PTPN12: variants seen among roughly 807,000 people sequenced by gnomAD.
PTPN12 encodes protein tyrosine phosphatase non-receptor type 12, also known as tyrosine-protein phosphatase non-receptor type 12.
In PTPN12, 29 loss-of-function variants were observed where a neutral mutation model predicts 97.6. The observed-to-expected ratio is 0.30, with a 90% CI of 0.22 to 0.41. The LOEUF (loss-of-function observed/expected upper bound fraction) is 0.41. Among genes scored for constraint, PTPN12 ranks in the 10% least tolerant of loss-of-function variants. PTPN12 has a pLI of 1.00. For synonymous variants in PTPN12, 327 were observed against 300.4 expected, an observed-to-expected ratio of 1.09 and a Z score of -0.91; for missense variants, 819 against 926.0, an observed-to-expected ratio of 0.88 and a Z score of 1.50.
At chr7:77,613,028 C>T (rs973085713) in intron 11 of PTPN12, among the ~76,000 whole-genome samples, 8 of 151,924 alleles carry the variant, frequency 5.3e-5, no homozygotes, top group Non-Finnish European at 1.0e-4. Context: ...GCCTCAGCCT[C>T]CCAAAGTGCT....
In PTPN12 at chr7:77,627,234, A is replaced by G; in HGVS notation, c.1555A>G (p.Thr519Ala). Residue 519 changes from threonine to alanine, a missense_variant, in exon 13 of 18, where the codon ACA becomes GCA. Coordinates refer to ENST00000248594, the MANE Select transcript of PTPN12 (RefSeq NM_002835.4). ...ACCAGAAGAATCCCAGAATTCAGAC[A>G]CACCTCCAAGGCCAGACCGCTTGCC... ...TPPEESQNSD[T>A]PPRPDRLPLD... is the part of the protein sequence containing the mutation. 1 of 1,614,124 alleles carries G rather than the reference A, an allele frequency of 6.2e-7. No homozygotes were observed.
intron 1 of PTPN12, among the ~76,000 whole-genome samples, chr7:77,543,898 G>A (rs1336615538): frequency 1.3e-5 from 2 of 152,206 alleles, no homozygotes; most frequent in East Asian, 1.9e-4. Context: ...ACCACATTTT[G>A]TTTATCCATT....
intron 1 of PTPN12, among the ~76,000 whole-genome samples, chr7:77,560,606 G>A (rs1346417850): frequency 6.6e-6 from 1 of 152,066 alleles, no homozygotes; most frequent in African/African-American, 2.4e-5. Flanking sequence ...CTGTCTGTAT[G>A]GATTTGACAA....
chr7:77,574,341 A>G (rs1025029083), intron 2 of PTPN12, among the ~76,000 whole-genome samples: 1 of 152,118 alleles, frequency 6.6e-6, no homozygotes, highest in African/African-American at 2.4e-5. Context: ...TGATAAATGG[A>G]TTATTTACCA....
chr7:77,618,663 T>C (rs1788833859), intron 12 of PTPN12, 98 bp downstream of exon 12: 1 of 792,356 alleles, frequency 1.3e-6, no homozygotes, highest in Non-Finnish European at 2.0e-6. Flanking sequence ...ATTACTTTTA[T>C]AACTTTTATT....
At chr7:77,541,492 A>G (rs560894424) in intron 1 of PTPN12, among the ~76,000 whole-genome samples, 2 of 152,278 alleles carry the variant, frequency 1.3e-5, no homozygotes, top group East Asian at 1.9e-4. Context: ...TGTGATTAAC[A>G]TTTTTGCTGA....
chr7:77,569,315 A>G (rs1808379057), intron 1 of PTPN12, among the ~76,000 whole-genome samples: 1 of 152,146 alleles, frequency 6.6e-6, no homozygotes, highest in Non-Finnish European at 1.5e-5. Flanking sequence ...TGCTTTTTAC[A>G]TTTATACTTA....
At chr7:77,546,748 G>A (rs1252164033) in intron 1 of PTPN12, among the ~76,000 whole-genome samples, 1 of 152,096 alleles carries the variant, frequency 6.6e-6, no homozygotes, top group African/African-American at 2.4e-5. Context: ...GTTCAGCATG[G>A]CTGGGGAGGC....
At chr7:77,615,470 C>T (rs769114426) in intron 11 of PTPN12, among the ~76,000 whole-genome samples, 5 of 152,178 alleles carry the variant, frequency 3.3e-5, no homozygotes, top group East Asian at 1.9e-4. Flanking sequence ...GGCTAGGCGC[C>T]GTGGCTCATT....
At chr7:77,562,958 C>CAAAAAA (rs10650218) in intron 1 of PTPN12, among the ~76,000 whole-genome samples, 1 of 133,200 alleles carries the variant, frequency 7.5e-6, no homozygotes, top group Non-Finnish European at 1.6e-5. Context: ...CTAGGCTATG[C>CAAAAAA]AAAAAAAAAA....
intron 1 of PTPN12, among the ~76,000 whole-genome samples, chr7:77,539,570 A>G (rs1254803990): frequency 6.6e-6 from 1 of 152,000 alleles, no homozygotes; most frequent in African/African-American, 2.4e-5. Context: ...TACTTTGAAT[A>G]TTTAAGATGT....
intron 1 of PTPN12, among the ~76,000 whole-genome samples, chr7:77,554,889 T>C (rs1442558594): frequency 6.6e-6 from 1 of 152,180 alleles, no homozygotes; most frequent in East Asian, 1.9e-4. Flanking sequence ...GGTCTCACTG[T>C]GTTGCCCAGG....
At chr7:77,581,358 C>G (rs1787510517) in intron 2 of PTPN12, 69 bp from the exon 3 acceptor site, 2 of 1,014,094 alleles carry the variant, frequency 2.0e-6, no homozygotes, top group Admixed American at 4.5e-5. Flanking sequence ...TCTATTTAAC[C>G]TTACTTACGC....
chr7:77,607,051 T>C (rs1417544790), intron 8 of PTPN12, 184 bp from the exon 9 acceptor site: 4 of 496,938 alleles, frequency 8.0e-6, no homozygotes, highest in Non-Finnish European at 1.4e-5. Context: ...TATATGTATA[T>C]GTATTCTGTG....
chr7:77,631,298 T>C (rs1789387586), intron 13 of PTPN12, among the ~76,000 whole-genome samples: 1 of 152,196 alleles, frequency 6.6e-6, no homozygotes, highest in African/African-American at 2.4e-5. Flanking sequence ...TTCTTGCGTC[T>C]CCAGCTAAAT....
chr7:77,573,627 TC>T (rs1443305958), intron 2 of PTPN12, among the ~76,000 whole-genome samples: 1 of 152,192 alleles, frequency 6.6e-6, no homozygotes, highest in Non-Finnish European at 1.5e-5. Flanking sequence ...TCTGGATACT[TC>T]GTATTAAGCA....
intron 1 of PTPN12, among the ~76,000 whole-genome samples, chr7:77,542,823 A>C (rs139170324): frequency 6.2e-4 from 95 of 152,348 alleles, no homozygotes; most frequent in African/African-American, 2.1e-3. Context: ...CCTCTGAGAC[A>C]TCCAGTAGAA....
intron 6 of PTPN12, among the ~76,000 whole-genome samples, chr7:77,593,878 G>A (rs1453123604): frequency 6.6e-6 from 1 of 152,078 alleles, no homozygotes; most frequent in African/African-American, 2.4e-5. Context: ...ATGATTAAAC[G>A]AAATATAATT....
intron 9 of PTPN12, among the ~76,000 whole-genome samples, chr7:77,609,617 AC>A (rs1404082550): frequency 2.0e-5 from 3 of 149,098 alleles, no homozygotes; most frequent in Non-Finnish European, 4.4e-5. Flanking sequence ...GCGGTGGCTC[AC>A]GCCTGTAATC....
Sources: allele counts gnomAD v4.1 joint callset (sites outside exome capture counted in the v4.1 genomes callset), GRCh38; gene constraint gnomAD v4.1.1; transcripts MANE v1.5; gene names NCBI Gene and HGNC (gene_info 2026-07-23, HGNC 2026-07-21).